Variants in LMBRD1 observed in about 807,000 individuals in gnomAD.
LMBRD1 encodes the protein lysosomal cobalamin transport escort protein LMBD1.
A neutral mutation model predicts 74.8 loss-of-function variants in LMBRD1; 64 were observed. The observed-to-expected ratio is 0.86, with a 90% confidence interval of 0.70 to 1.05. The LOEUF is 1.05. Among genes scored for constraint, LMBRD1 ranks in the 50% least tolerant of loss-of-function variants. The probability of loss-of-function intolerance (pLI) is 0.00; values close to 1 mark genes in which losing one functional copy is unlikely to be tolerated. For synonymous variants in LMBRD1, 204 were observed against 216.3 expected (o/e 0.94, Z 0.50); for missense variants, 652 against 645.9 (o/e 1.01, Z -0.10).
intron 7 of LMBRD1, among the ~76,000 whole-genome samples, chr6:69,731,301 T>C (rs1322000951): frequency 6.6e-6 from 1 of 152,100 alleles, no homozygotes; most frequent in Non-Finnish European, 1.5e-5. Flanking sequence ...TCCAAATAGC[T>C]AGAAGAGAAT....
intron 14 of LMBRD1, among the ~76,000 whole-genome samples, chr6:69,691,928 TAG>T (rs1228408933): frequency 6.6e-6 from 1 of 151,290 alleles, no homozygotes; most frequent in Non-Finnish European, 1.5e-5. Context: ...ATTTTATTTA[TAG>T]AGACTGTATT....
At chr6:69,690,636 T>C (rs1765856657) in intron 14 of LMBRD1, among the ~76,000 whole-genome samples, 1 of 152,170 alleles carries the variant, frequency 6.6e-6, no homozygotes, top group Non-Finnish European at 1.5e-5. Flanking sequence ...CTTTTTTAGT[T>C]ATGTAATACA....
intron 2 of LMBRD1, among the ~76,000 whole-genome samples, chr6:69,787,073 C>T (rs534764056): frequency 6.6e-6 from 1 of 152,252 alleles, no homozygotes; most frequent in South Asian, 2.1e-4. Flanking sequence ...TTGGAATAGA[C>T]CAAAACCACG....
chr6:69,735,995 C>A (rs1766969022), intron 7 of LMBRD1, among the ~76,000 whole-genome samples: 1 of 151,582 alleles, frequency 6.6e-6, no homozygotes, highest in African/African-American at 2.4e-5. Context: ...TCTGTCATGG[C>A]TTACTTTCAC....
At chr6:69,766,741 T>C (rs1275552703) in intron 3 of LMBRD1, among the ~76,000 whole-genome samples, 1 of 151,682 alleles carries the variant, frequency 6.6e-6, no homozygotes, top group Non-Finnish European at 1.5e-5. Context: ...TTATAATACA[T>C]AAATAGAAAT....
intron 9 of LMBRD1, among the ~76,000 whole-genome samples, chr6:69,705,085 CCAAG>C (rs1180072372): frequency 1.3e-5 from 2 of 151,992 alleles, no homozygotes; most frequent in African/African-American, 2.4e-5. Context: ...ATACTTAAGA[CCAAG>C]CAAAGGGTGG....
At chr6:69,790,666 A>G in intron 1 of LMBRD1, 194 bp from the exon 2 acceptor site, 1 of 600,010 alleles carries the variant, frequency 1.7e-6, no homozygotes, top group East Asian at 3.0e-5. Context: ...AATGCAGTAC[A>G]TCACGTATGC....
At chr6:69,681,306 T>C (rs1343833712) in intron 14 of LMBRD1, among the ~76,000 whole-genome samples, 1 of 151,948 alleles carries the variant, frequency 6.6e-6, no homozygotes, top group African/African-American at 2.4e-5. Context: ...TCACATATCA[T>C]CAAACAGAGA....
At position 69,787,612 on chromosome 6, in the gene LMBRD1, G is replaced by A. The variant is rs1466375164; in HGVS notation, c.246+2684C>T. On this transcript the variant is annotated intron_variant, in intron 2 of 15. Transcript: ENST00000649934. Reference sequence around the variant, plus strand: ...ATACAAAAAATTGGCTGGGCATGGCGGTGTGCATCTGTAATCCCAGATACT... The same window carrying A: ...ATACAAAAAATTGGCTGGGCATGGCAGTGTGCATCTGTAATCCCAGATACT... 3.9e-5 allele frequency among the ~76,000 whole-genome samples: 6 copies of A among 152,186 alleles called. No homozygotes were observed. In the East Asian group the frequency reaches 9.7e-4, roughly 25 times the overall value.
intron 5 of LMBRD1, among the ~76,000 whole-genome samples, chr6:69,749,057 A>G (rs1374935088): frequency 6.6e-6 from 1 of 152,062 alleles, no homozygotes; most frequent in African/African-American, 2.4e-5. Context: ...CAGATTACCA[A>G]GAATTATATA....
chr6:69,729,666 TTAAAA>T (rs1766813548), intron 7 of LMBRD1, among the ~76,000 whole-genome samples: 1 of 152,040 alleles, frequency 6.6e-6, no homozygotes, highest in Non-Finnish European at 1.5e-5. Context: ...ATAGCTTAAT[TTAAAA>T]TATTTTATAA....
chr6:69,691,207 C>T (rs1765871932), intron 14 of LMBRD1, among the ~76,000 whole-genome samples: 1 of 147,094 alleles, frequency 6.8e-6, no homozygotes, highest in Admixed American at 6.8e-5. Flanking sequence ...TTTTCTCACA[C>T]TCAAACAAAA....
At chr6:69,688,845 C>T (rs1562084373) in intron 14 of LMBRD1, among the ~76,000 whole-genome samples, 1 of 152,008 alleles carries the variant, frequency 6.6e-6, no homozygotes, top group African/African-American at 2.4e-5. Context: ...AATATATATA[C>T]TCTTTCACCT....
chr6:69,758,233 T>C (rs1246923847), intron 3 of LMBRD1, among the ~76,000 whole-genome samples: 1 of 152,152 alleles, frequency 6.6e-6, no homozygotes, highest in African/African-American at 2.4e-5. Context: ...ATAGCTAACA[T>C]TTACATCAAA....
At chr6:69,695,148 T>C (rs1472370551) in intron 14 of LMBRD1, among the ~76,000 whole-genome samples, 1 of 151,332 alleles carries the variant, frequency 6.6e-6, no homozygotes, top group Non-Finnish European at 1.5e-5. Context: ...TGCGCAGAAT[T>C]GGATGATACT....
chr6:69,778,804 A>T lies in LMBRD1; in HGVS notation c.307+1690T>A, dbSNP rs151030227. 4.3e-3 allele frequency among the ~76,000 whole-genome samples: 650 copies of T among 152,298 alleles called. 8 individuals are homozygous for T. The highest frequency in any genetic ancestry group is 0.015 in the African/African-American group (614 of 41,558). On this transcript the variant is annotated intron_variant, in intron 3 of 15. Coordinates refer to ENST00000649934, the MANE Select transcript of LMBRD1 (RefSeq NM_018368.4). ...ATAAATTATATTTTGAAATTTCATA[A>T]ATACTAAAATCTACCCGAAAGAAAT...
intron 3 of LMBRD1, among the ~76,000 whole-genome samples, chr6:69,757,346 A>G (rs1452700737): frequency 6.6e-6 from 1 of 152,218 alleles, no homozygotes; most frequent in Admixed American, 6.5e-5. Flanking sequence ...AGTGCCCACA[A>G]AAGTTTTTAG....
intron 5 of LMBRD1, among the ~76,000 whole-genome samples, chr6:69,744,418 A>C (rs1767173230): frequency 6.6e-6 from 1 of 152,242 alleles, no homozygotes. Context: ...TTAAAATACA[A>C]ACTACAGCCT....
intron 7 of LMBRD1, among the ~76,000 whole-genome samples, chr6:69,726,645 T>C (rs1766741677): frequency 6.6e-6 from 1 of 152,202 alleles, no homozygotes; most frequent in South Asian, 2.1e-4. Context: ...AAACATCACA[T>C]GTTCTGACTT....
Sources: gnomAD v4.1 joint callset for allele counts (sites outside exome capture counted in the v4.1 genomes callset) on GRCh38, gnomAD v4.1.1 for gene constraint, MANE v1.5 for transcripts, NCBI Gene and HGNC (gene_info 2026-07-23, HGNC 2026-07-21) for gene names.